RGPD2: variants seen among roughly 807,000 people sequenced by gnomAD.
RGPD2 encodes RANBP2 like and GRIP domain containing 2.
Under a neutral mutation model 36.0 loss-of-function variants are expected in RGPD2, and 2 were observed. That is an observed-to-expected ratio of 0.06 (90% CI 0.02 to 0.17). The LOEUF (loss-of-function observed/expected upper bound fraction) is 0.17, where lower values mean the gene tolerates loss of function less well. RGPD2 is among the 10% of genes least tolerant of loss of function. The pLI is 1.00. For synonymous variants in RGPD2, 19 were observed against 163.8 expected (o/e 0.12, Z 6.75); for missense variants, 40 against 464.3 (o/e 0.09, Z 8.40).
At chr2:87,864,617 G>GATAGATAGATAGATAC in the RGPD2 span, among the ~76,000 whole-genome samples, 83 of 26,038 alleles carry the variant, frequency 3.2e-3, no homozygotes, top group Non-Finnish European at 5.8e-3. Context: ...TAGATAGATA[G>GATAGATAGATAGATAC]ATAGATACAT....
chr2:87,973,878 C>G, the RGPD2 span, among the ~76,000 whole-genome samples: 1 of 147,622 alleles, frequency 6.8e-6, no homozygotes, highest in Non-Finnish European at 1.5e-5. Context: ...ATGTAAAGCA[C>G]TTAAAACAGT....
the RGPD2 span, among the ~76,000 whole-genome samples, chr2:87,916,813 A>T: frequency 2.6e-5 from 4 of 150,966 alleles, no homozygotes; most frequent in Admixed American, 1.3e-4. Flanking sequence ...TAAATGACCC[A>T]GTCTCAAGAA....
At chr2:87,919,781 C>A in the RGPD2 span, among the ~76,000 whole-genome samples, 3 of 149,338 alleles carry the variant, frequency 2.0e-5, no homozygotes, top group Non-Finnish European at 3.0e-5. Context: ...AGTTCAGATA[C>A]TATACTAAGC....
At chr2:87,976,024 GAA>G in the RGPD2 span, among the ~76,000 whole-genome samples, 310 of 150,182 alleles carry the variant, frequency 2.1e-3, 1 homozygote, top group African/African-American at 7.2e-3. Flanking sequence ...GAGGTTGGGG[GAA>G]AAAAAGAGTC....
At chr2:87,834,517 G>A in the RGPD2 span, among the ~76,000 whole-genome samples, 1 of 152,056 alleles carries the variant, frequency 6.6e-6, no homozygotes, top group African/African-American at 2.4e-5. Context: ...AGGATACAGT[G>A]TGAATATATA....
intron 1 of RGPD2, among the ~76,000 whole-genome samples, 146 bp downstream of exon 1, chr2:87,825,503 CGAGGCCGAG>C: frequency 1.5e-5 from 1 of 68,478 alleles, no homozygotes; most frequent in Non-Finnish European, 3.0e-5. Flanking sequence ...CGGCCGAGGC[CGAGGCCGAG>C]GCCGCCGCCC....
chr2:87,844,228 A>T, the RGPD2 span, among the ~76,000 whole-genome samples: 7 of 142,080 alleles, frequency 4.9e-5, no homozygotes, highest in African/African-American at 1.3e-4. Context: ...TAAAATAAAA[A>T]AATAAAATTT....
chr2:87,894,350 A>G, the RGPD2 span, among the ~76,000 whole-genome samples: 2 of 151,422 alleles, frequency 1.3e-5, no homozygotes, highest in African/African-American at 4.8e-5. Context: ...ATATCAAGAT[A>G]CATCTAATGG....
chr2:87,955,228 A>G, the RGPD2 span, among the ~76,000 whole-genome samples: 2 of 145,194 alleles, frequency 1.4e-5, no homozygotes, highest in Non-Finnish European at 3.0e-5. Context: ...GTTAGCCAGG[A>G]TGGTCTCGAT....
the RGPD2 span, among the ~76,000 whole-genome samples, chr2:87,879,081 T>C: frequency 6.6e-6 from 1 of 152,242 alleles, no homozygotes; most frequent in South Asian, 2.1e-4. Flanking sequence ...TTTTATTTCC[T>C]TTGGGTATAT....
the RGPD2 span, among the ~76,000 whole-genome samples, chr2:87,939,997 G>T: frequency 6.6e-6 from 1 of 152,048 alleles, no homozygotes; most frequent in East Asian, 1.9e-4. Flanking sequence ...AACGAAACTA[G>T]CAAAAGACAA....
chr2:87,948,499 AG>A, the RGPD2 span, among the ~76,000 whole-genome samples: 2 of 149,104 alleles, frequency 1.3e-5, no homozygotes. Context: ...CGCCTGCGTC[AG>A]CCTCCCCGGT....
chr2:87,918,737 T>C, the RGPD2 span, among the ~76,000 whole-genome samples: 2 of 151,708 alleles, frequency 1.3e-5, no homozygotes, highest in Admixed American at 1.3e-4. Flanking sequence ...AATACCAGTG[T>C]ATTAATATGT....
the RGPD2 span, among the ~76,000 whole-genome samples, chr2:87,861,514 G>A: frequency 6.6e-6 from 1 of 152,018 alleles, no homozygotes; most frequent in Non-Finnish European, 1.5e-5. Flanking sequence ...TCTGCAAATG[G>A]AATTAATTCT....
chr2:87,988,541 A>ATATATATATATATATATATAT, the RGPD2 span, among the ~76,000 whole-genome samples: 71 of 54,116 alleles, frequency 1.3e-3, 1 homozygote, highest in East Asian at 6.1e-3. Context: ...ATATATATAT[A>ATATATATATATATATATATAT]TTTTTTTTTT....
At chr2:87,857,499 C>T in the RGPD2 span, among the ~76,000 whole-genome samples, 25 of 151,500 alleles carry the variant, frequency 1.7e-4, no homozygotes, top group African/African-American at 4.3e-4. Context: ...CCCGCCTCCA[C>T]GCCTGGCTAA....
At chr2:87,844,998 CT>C in the RGPD2 span, among the ~76,000 whole-genome samples, 1 of 106,228 alleles carries the variant, frequency 9.4e-6, no homozygotes, top group Non-Finnish European at 1.9e-5. Context: ...TGATTCTTTT[CT>C]TATTGTCTGA....
At chr2:87,915,371 ATATTATATATATTG>A in the RGPD2 span, among the ~76,000 whole-genome samples, 90 of 126,276 alleles carry the variant, frequency 7.1e-4, 6 homozygotes, top group African/African-American at 1.7e-3. Context: ...ATATATATGT[ATATTATATATATTG>A]TATATATATG....
the RGPD2 span, among the ~76,000 whole-genome samples, chr2:87,951,374 C>T: frequency 4.0e-5 from 6 of 151,700 alleles, no homozygotes; most frequent in Admixed American, 2.0e-4. Context: ...AAGGGACTTT[C>T]GAGATATCTG....
Sources: gnomAD v4.1 joint callset for allele counts (sites outside exome capture counted in the v4.1 genomes callset) on GRCh38, gnomAD v4.1.1 for gene constraint, MANE v1.5 for transcripts, NCBI Gene and HGNC (gene_info 2026-07-23, HGNC 2026-07-21) for gene names.